Variants in ANK2 observed in about 807,000 individuals in gnomAD.
ANK2 encodes ankyrin-2.
Under a neutral mutation model 360.5 loss-of-function variants are expected in ANK2, and 83 were observed. That is an observed-to-expected ratio of 0.23 (90% confidence interval 0.19 to 0.28). The LOEUF (loss-of-function observed/expected upper bound fraction) is 0.28. Among genes scored for constraint, ANK2 ranks in the 10% least tolerant of loss-of-function variants. The pLI is 1.00. For synonymous variants in ANK2, 1,740 were observed against 1,759.5 expected (o/e 0.99, Z 0.28); for missense variants, 4,201 against 4,795.7 (o/e 0.88, Z 3.66).
At chr4:112,758,694 T>G in the ANK2 span, among the ~76,000 whole-genome samples, 1 of 152,162 alleles carries the variant, frequency 6.6e-6, no homozygotes, top group African/African-American at 2.4e-5. Context: ...GGATTACAGG[T>G]GTGAGCCACT....
intron 1 of ANK2, among the ~76,000 whole-genome samples, chr4:112,843,605 G>A (rs1417380054): frequency 2.0e-5 from 3 of 152,050 alleles, no homozygotes; most frequent in Non-Finnish European, 4.4e-5. Flanking sequence ...TGATTCCCAA[G>A]TGCGTTTTTG....
chr4:113,188,352 A>G (rs755923858), intron 2 of ANK2, among the ~76,000 whole-genome samples: 7 of 152,206 alleles, frequency 4.6e-5, no homozygotes, highest in Non-Finnish European at 8.8e-5. Context: ...GGTTCTAGTC[A>G]TGCCTCCTTA....
At chr4:113,117,883 A>T (rs2094980946) in intron 1 of ANK2, among the ~76,000 whole-genome samples, 2 of 152,132 alleles carry the variant, frequency 1.3e-5, no homozygotes, top group South Asian at 2.1e-4. Flanking sequence ...TAAAGATTTT[A>T]TGTGCTCTCT....
In ANK2 at chr4:113,306,437, A is replaced by G. The variant is rs188820867; in HGVS notation, c.2548+3598A>G. Among the ~76,000 whole-genome samples the G allele has an allele frequency of 2.2e-4, 34 of 152,332 alleles. No individual in the cohort carries two copies. The East Asian group carries it at 4.6e-3, about 21-fold the overall frequency. Reference sequence around the variant, plus strand: ...AAAAACATACCAGGCTCAGTTGTGGACTGTTTGAATTCTTAACTGAAAGGG... The same window carrying G: ...AAAAACATACCAGGCTCAGTTGTGGGCTGTTTGAATTCTTAACTGAAAGGG... On this transcript the variant is annotated intron_variant, in intron 23 of 45. Transcript: ENST00000357077.
At chr4:113,043,642 T>C (rs188183518) in intron 2 of ANK2, among the ~76,000 whole-genome samples, 1 of 152,190 alleles carries the variant, frequency 6.6e-6, no homozygotes, top group Non-Finnish European at 1.5e-5. Flanking sequence ...ATTCCATATC[T>C]TTTCCCCACT....
chr4:113,358,050 T>C lies in ANK2; in HGVS notation c.9432T>C (p.Ser3144=). ...IGQESREETL[S]EDVKEGATGA... is the part of the protein sequence containing the mutation. Reference sequence around the variant, plus strand: ...AAGAATCCAGGGAAGAGACTCTCTCTGAAGATGTGAAAGAAGGGGCTACTG... The same window carrying C: ...AAGAATCCAGGGAAGAGACTCTCTCCGAAGATGTGAAAGAAGGGGCTACTG... Residue 3144 remains serine (S), a synonymous_variant, in exon 38 of 46, where the codon TCT becomes TCC. Coordinates refer to ENST00000357077, the MANE Select transcript of ANK2 (RefSeq NM_001148.6). 2 of 1,614,038 alleles carry C rather than the reference T, an allele frequency of 1.2e-6. No homozygotes were observed. The highest frequency in any genetic ancestry group is 1.7e-6 in the Non-Finnish European group (2 of 1,179,960).
intron 1 of ANK2, among the ~76,000 whole-genome samples, chr4:113,098,258 A>C (rs140266169): frequency 6.5e-4 from 99 of 152,114 alleles, no homozygotes; most frequent in African/African-American, 2.4e-3. Context: ...AAAATCAATG[A>C]AACCAAAAGC....
intron 1 of ANK2, among the ~76,000 whole-genome samples, chr4:112,854,198 T>C (rs1169093103): frequency 6.6e-6 from 1 of 152,098 alleles, no homozygotes; most frequent in Non-Finnish European, 1.5e-5. Flanking sequence ...CTAAACAGAA[T>C]CTTATAAACT....
rs779625857 is a variant in ANK2, at chr4:113,333,124, A to C, written c.3295A>C (p.Ser1099Arg). The part of the protein sequence containing the change: ...GKERELVVLR[S>R]ENGDSWKEHF... ...GGAAAGGGAACTGGTGGTCCTGCGC[A>C]GTGAGAATGGGGACAGCTGGAAAGA... The change falls in exon 29 of 46, where the codon AGT (serine) becomes CGT (arginine). Residue 1099 changes from serine (S) to arginine (R), a missense_variant. Coordinates refer to ENST00000357077, the MANE Select transcript of ANK2 (RefSeq NM_001148.6). 3.7e-6 allele frequency: 6 copies of C among 1,614,094 alleles called. No homozygotes were observed. Among genetic ancestry groups the C allele is most frequent in the Non-Finnish European group, 5.1e-6 (6 of 1,180,040 alleles).
At chr4:112,889,511 A>G (rs1432116329) in intron 1 of ANK2, among the ~76,000 whole-genome samples, 3 of 151,222 alleles carry the variant, frequency 2.0e-5, no homozygotes, top group Admixed American at 2.0e-4. Flanking sequence ...TAGATGACTC[A>G]CTTTTTTTGA....
chr4:112,882,042 C>G, intron 1 of ANK2: 2 of 460,142 alleles, frequency 4.3e-6, no homozygotes. Flanking sequence ...GCCTTCTCCA[C>G]TGCTCAGAAG....
chr4:112,784,446 C>T, the ANK2 span, among the ~76,000 whole-genome samples: 1 of 150,920 alleles, frequency 6.6e-6, no homozygotes, highest in Non-Finnish European at 1.5e-5. Flanking sequence ...CAAGCTCCGC[C>T]TCCCAGGTTC....
intron 1 of ANK2, among the ~76,000 whole-genome samples, chr4:113,155,562 T>C (rs1345321110): frequency 6.6e-6 from 1 of 151,818 alleles, no homozygotes; most frequent in Admixed American, 6.6e-5. Flanking sequence ...TTTTAGGAAA[T>C]TAAAAAAATT....
chr4:113,264,861 T>C, intron 13 of ANK2, 36 bp from the exon 14 acceptor site: 1 of 1,547,770 alleles, frequency 6.5e-7, no homozygotes, highest in South Asian at 1.2e-5. Context: ...GAGCGGTGGG[T>C]TAATTTATGA....
chr4:113,343,285 G>T, intron 34 of ANK2, 143 bp downstream of exon 34: 1 of 858,592 alleles, frequency 1.2e-6, no homozygotes, highest in Non-Finnish European at 1.7e-6. Flanking sequence ...TACAGCCCTG[G>T]GAAACAAATC....
At chr4:113,145,715 A>G (rs2096802735) in intron 1 of ANK2, 1 of 1,141,800 alleles carries the variant, frequency 8.8e-7, no homozygotes, top group South Asian at 1.9e-5. Flanking sequence ...CAGCTAGCAG[A>G]TGGGGAGAAC....
At chr4:112,926,195 G>C (rs1219211547) in intron 2 of ANK2, among the ~76,000 whole-genome samples, 1 of 152,156 alleles carries the variant, frequency 6.6e-6, no homozygotes. Context: ...CAGTCATTTT[G>C]GTGTGCAGTC....
intron 1 of ANK2, among the ~76,000 whole-genome samples, chr4:113,054,972 C>T (rs532489850): frequency 6.6e-6 from 1 of 152,258 alleles, no homozygotes; most frequent in South Asian, 2.1e-4. Context: ...CCTCAACTAC[C>T]AGAATTACCT....
At chr4:113,037,324 G>T (rs1055624366) in intron 2 of ANK2, among the ~76,000 whole-genome samples, 1 of 151,888 alleles carries the variant, frequency 6.6e-6, no homozygotes, top group Non-Finnish European at 1.5e-5. Context: ...ACAGCTTAAG[G>T]TCTAAGTGTG....
Sources: gnomAD v4.1 joint callset for allele counts (sites outside exome capture counted in the v4.1 genomes callset) on GRCh38, gnomAD v4.1.1 for gene constraint, MANE v1.5 for transcripts, NCBI Gene and HGNC (gene_info 2026-07-23, HGNC 2026-07-21) for gene names.